Variants in DLGAP2 observed in about 807,000 individuals in gnomAD.
The protein encoded by DLGAP2 is disks large-associated protein 2.
DLGAP2 carries 26 observed loss-of-function variants against 100.3 expected under a neutral mutation model. The ratio of observed to expected loss-of-function variants is 0.26; its 90% CI spans 0.19 to 0.36. The LOEUF (loss-of-function observed/expected upper bound fraction) is 0.36, where lower values mean the gene tolerates loss of function less well. Among genes scored for constraint, DLGAP2 ranks in the 10% least tolerant of loss-of-function variants. The pLI, the probability that DLGAP2 is intolerant of heterozygous loss-of-function variation, is 1.00. For synonymous variants in DLGAP2, 886 were observed against 630.1 expected (o/e 1.41, Z -6.08); for missense variants, 1,858 against 1,453.2 (o/e 1.28, Z -4.53).
intron 2 of DLGAP2, among the ~76,000 whole-genome samples, chr8:1,186,575 C>G (rs547438489): frequency 6.6e-6 from 1 of 152,242 alleles, no homozygotes; most frequent in Admixed American, 6.5e-5. Flanking sequence ...TACGGCCATT[C>G]CCTTTTTGTC....
At chr8:850,138 G>A (rs1797158786) in intron 1 of DLGAP2, among the ~76,000 whole-genome samples, 1 of 151,570 alleles carries the variant, frequency 6.6e-6, no homozygotes, top group Admixed American at 6.6e-5. Flanking sequence ...CTGGGTCTGA[G>A]TCCCCTGTCA....
intron 2 of DLGAP2, among the ~76,000 whole-genome samples, chr8:1,139,380 G>T (rs186082036): frequency 1.1e-4 from 17 of 152,352 alleles, no homozygotes; most frequent in Admixed American, 1.0e-3. Flanking sequence ...TCACAGTTCT[G>T]CAGGCTGCAA....
chr8:885,202 C>A (rs1480974263), intron 1 of DLGAP2, among the ~76,000 whole-genome samples: 1 of 152,134 alleles, frequency 6.6e-6, no homozygotes, highest in Non-Finnish European at 1.5e-5. Context: ...AGCATTGAAT[C>A]CATAAATTGC....
intron 2 of DLGAP2, among the ~76,000 whole-genome samples, chr8:1,190,231 C>CA (rs768640886): frequency 4.6e-5 from 7 of 152,204 alleles, no homozygotes; most frequent in Non-Finnish European, 1.0e-4. Context: ...GGTGGTCTCA[C>CA]AGAGAGTCCT....
intron 5 of DLGAP2, among the ~76,000 whole-genome samples, chr8:1,564,043 C>T (rs1041579674): frequency 1.3e-5 from 2 of 152,118 alleles, no homozygotes; most frequent in African/African-American, 2.4e-5. Flanking sequence ...GAAAAACATG[C>T]TATGTTAGTT....
chr8:973,856 G>T (rs1318590688), intron 2 of DLGAP2, among the ~76,000 whole-genome samples: 1 of 12,722 alleles, frequency 7.9e-5, no homozygotes, highest in African/African-American at 3.5e-4. Flanking sequence ...GGCGGTGGCG[G>T]CTGCGACCAC....
chr8:949,566 G>C (rs1490154880), intron 2 of DLGAP2, among the ~76,000 whole-genome samples: 1 of 152,198 alleles, frequency 6.6e-6, no homozygotes, highest in Non-Finnish European at 1.5e-5. Context: ...GACCCCACAC[G>C]TGGGCGCGTG....
At chr8:1,360,590 A>ACACAGGGAATC in intron 3 of DLGAP2, among the ~76,000 whole-genome samples, 1 of 152,112 alleles carries the variant, frequency 6.6e-6, no homozygotes, top group Non-Finnish European at 1.5e-5. Flanking sequence ...CCCGAAAAGC[A>ACACAGGGAATC]CACAGGGAAT....
chr8:1,127,824 G>A (rs1393934982), intron 2 of DLGAP2, among the ~76,000 whole-genome samples: 1 of 152,212 alleles, frequency 6.6e-6, no homozygotes, highest in South Asian at 2.1e-4. Context: ...TTTTGATGTG[G>A]CCTCATAAGG....
At chr8:1,265,613 A>G (rs1010464278) in intron 3 of DLGAP2, among the ~76,000 whole-genome samples, 1 of 152,228 alleles carries the variant, frequency 6.6e-6, no homozygotes, top group Admixed American at 6.5e-5. Context: ...AAAGACTCCT[A>G]AGACTGAAGC....
At chr8:753,053 T>A (rs73178902) in intron 1 of DLGAP2, among the ~76,000 whole-genome samples, 4,111 of 152,288 alleles carry the variant, frequency 0.027, 74 homozygotes, top group Middle Eastern at 0.048. Flanking sequence ...TAACTTGGTG[T>A]ATTTGGGGCA....
intron 8 of DLGAP2, among the ~76,000 whole-genome samples, chr8:1,634,316 G>C (rs544540880): frequency 6.6e-6 from 1 of 152,266 alleles, no homozygotes; most frequent in South Asian, 2.1e-4. Flanking sequence ...CCACTGAGCC[G>C]GGGGCTTCGG....
chr8:1,362,805 C>T (rs746175326), intron 3 of DLGAP2, among the ~76,000 whole-genome samples: 9 of 152,246 alleles, frequency 5.9e-5, no homozygotes, highest in Admixed American at 3.9e-4. Context: ...TTAGGAGGCG[C>T]GACCGCCTGG....
At chr8:1,599,761 G>C (rs1286358517) in intron 6 of DLGAP2, among the ~76,000 whole-genome samples, 3 of 152,092 alleles carry the variant, frequency 2.0e-5, no homozygotes, top group Admixed American at 6.6e-5. Context: ...TTGAGCCTAT[G>C]TGTGTCTTTG....
intron 3 of DLGAP2, among the ~76,000 whole-genome samples, chr8:1,455,741 A>G (rs548702534): frequency 6.6e-6 from 1 of 152,268 alleles, no homozygotes; most frequent in East Asian, 1.9e-4. Context: ...CATCCTCCAG[A>G]GGCACTTCCT....
intron 7 of DLGAP2, 126 bp downstream of exon 7, chr8:1,627,013 C>A (rs1379488645): frequency 8.5e-7 from 1 of 1,175,124 alleles, no homozygotes; most frequent in Non-Finnish European, 1.2e-6. Flanking sequence ...CAAGGCTACA[C>A]CAAAGGGGGT....
At chr8:1,175,121 C>G (rs1797225489) in intron 2 of DLGAP2, among the ~76,000 whole-genome samples, 1 of 152,172 alleles carries the variant, frequency 6.6e-6, no homozygotes, top group African/African-American at 2.4e-5. Flanking sequence ...CTTCTGTCTT[C>G]AGATCTGGAA....
intron 1 of DLGAP2, among the ~76,000 whole-genome samples, chr8:766,709 T>A (rs185319284): frequency 2.0e-5 from 3 of 152,154 alleles, no homozygotes; most frequent in Admixed American, 2.0e-4. Context: ...AAAGCAGCTT[T>A]TGTTTTACCA....
At chr8:1,456,352 C>T (rs181539981) in intron 3 of DLGAP2, among the ~76,000 whole-genome samples, 30 of 152,272 alleles carry the variant, frequency 2.0e-4, no homozygotes, top group African/African-American at 6.3e-4. Flanking sequence ...TAAATATGAC[C>T]GAAATTCTGT....
Sources: gnomAD v4.1 joint callset for allele counts (sites outside exome capture counted in the v4.1 genomes callset) on GRCh38, gnomAD v4.1.1 for gene constraint, MANE v1.5 for transcripts, NCBI Gene and HGNC (gene_info 2026-07-23, HGNC 2026-07-21) for gene names.